NLRP7: variants seen among roughly 807,000 people sequenced by gnomAD.
NLRP7 encodes NACHT, LRR and PYD domains-containing protein 7.
A neutral mutation model predicts 85.5 loss-of-function variants in NLRP7; 72 were observed. That is an observed-to-expected ratio of 0.84 (90% confidence interval 0.70 to 1.02). NLRP7 has a LOEUF of 1.02. Ranked by LOEUF, NLRP7 falls within the 50% of genes least tolerant of loss-of-function variation. NLRP7 has a pLI of 0.00. For synonymous variants in NLRP7, 550 were observed against 505.2 expected (o/e 1.09, Z -1.19); for missense variants, 1,243 against 1,219.5 (o/e 1.02, Z -0.29).
At position 54,934,575 on chromosome 19, in the gene NLRP7, A is replaced by T; in HGVS notation, c.2385T>A (p.Arg795=). The change falls in exon 7 of 10, where the codon CGT becomes CGA. Residue 795 remains arginine, a synonymous_variant. Coordinates refer to ENST00000340844, the Ensembl canonical transcript of NLRP7. This position sits in a 1 kb window ranked among gnomAD's most constrained non-coding sequence, Gnocchi z 6.7. ...CATCCAGGAGCACATTGGCTGAGAG[A>T]CGCAGGTGCTTCAGGGACTGGTTGG... 6.2e-7 allele frequency: 1 copy of T among 1,614,114 alleles called. No homozygotes were observed. Among genetic ancestry groups the T allele is most frequent in the Non-Finnish European group, 8.5e-7 (1 of 1,179,960 alleles).
chr19:54,947,552 G>A (rs199475820), upstream of NLRP7: 8 of 1,289,438 alleles, frequency 6.2e-6, no homozygotes, highest in African/African-American at 3.0e-5. Flanking sequence ...CCCTTGGTAC[G>A]CTAGGTGGAG....
intron 1 of NLRP7, among the ~76,000 whole-genome samples, chr19:54,956,006 C>T (rs181524926): frequency 2.6e-5 from 4 of 151,948 alleles, no homozygotes; most frequent in East Asian, 1.9e-4. Flanking sequence ...CAACTGTGAT[C>T]GTGCATGCCT....
chr19:54,938,563 A>G (rs909039886), intron 4 of NLRP7, among the ~76,000 whole-genome samples: 1 of 152,022 alleles, frequency 6.6e-6, no homozygotes, highest in African/African-American at 2.4e-5. Flanking sequence ...CATCTCTACA[A>G]AAAAATAAAA....
chr19:54,944,941 A>G (rs182951200), intron 1 of NLRP7, among the ~76,000 whole-genome samples: 245 of 152,134 alleles, frequency 1.6e-3, no homozygotes, highest in African/African-American at 5.6e-3. Flanking sequence ...TGTACTTAGA[A>G]AAATTCAGGG....
chr19:54,953,241 CA>C (rs1298308642), intron 1 of NLRP7: 12 of 152,124 alleles, frequency 7.9e-5, no homozygotes, highest in African/African-American at 2.9e-4. Flanking sequence ...TTTATCCGGC[CA>C]GGGGCATCGG....
chr19:54,935,379 T>C (rs1001356724), intron 6 of NLRP7, among the ~76,000 whole-genome samples: 1 of 151,826 alleles, frequency 6.6e-6, no homozygotes, highest in African/African-American at 2.4e-5. Flanking sequence ...AAGGGGCAAA[T>C]TGATGCTTAA....
intron 9 of NLRP7, among the ~76,000 whole-genome samples, chr19:54,926,243 TACAC>T (rs976918807): frequency 2.1e-5 from 3 of 145,682 alleles, no homozygotes; most frequent in African/African-American, 5.1e-5. Context: ...TGCACACACA[TACAC>T]ACAAGCTTCC....
rs1602143882 is a variant in NLRP7, at chr19:54,934,748, T to C, written c.2301-89A>G. On this transcript the variant is annotated intron_variant, in intron 6 of 9. Coordinates refer to ENST00000340844, the Ensembl canonical transcript of NLRP7. This position sits in a 1 kb window ranked among gnomAD's most constrained non-coding sequence, Gnocchi z 6.7. The stretch of plus-strand genomic sequence containing the variant: ...TTTTTGAGACAGAGTTTCACTCTGT[T>C]GCCCAGTCTGGAATGCAAAGGCGTG... The C allele has an allele frequency of 3.6e-6, 4 of 1,112,050 alleles. No individual in the cohort carries two copies. Among genetic ancestry groups the C allele is most frequent in the South Asian group, 3.2e-5 (2 of 63,080 alleles). The allele number at this position is 1,112,050 out of a possible 1,614,324, so 68.9% of individuals were successfully genotyped here.
chr19:54,928,154 A>C (rs1298832309), intron 9 of NLRP7, among the ~76,000 whole-genome samples: 1 of 152,238 alleles, frequency 6.6e-6, no homozygotes, highest in Non-Finnish European at 1.5e-5. Context: ...TGGGAGGCGG[A>C]GGTTACAGTG....
At chr19:54,961,688 T>C (rs2070047709) in intron 1 of NLRP7, among the ~76,000 whole-genome samples, 1 of 148,318 alleles carries the variant, frequency 6.7e-6, no homozygotes, top group African/African-American at 2.5e-5. Context: ...TAGCCTGGCA[T>C]GGTGGCAGGT....
intron 1 of NLRP7, among the ~76,000 whole-genome samples, chr19:54,958,415 G>A (rs1477858794): frequency 6.7e-6 from 1 of 150,224 alleles, no homozygotes; most frequent in Non-Finnish European, 1.5e-5. Context: ...GCCGAGGTGG[G>A]CGAATCACAA....
chr19:54,953,279 T>G (rs1270848096), intron 1 of NLRP7: 1 of 152,068 alleles, frequency 6.6e-6, no homozygotes, highest in Admixed American at 6.6e-5. Flanking sequence ...AGAGCCGAGA[T>G]CCCCAAGTGA....
At chr19:54,957,040 G>C (rs745613755) in intron 1 of NLRP7, among the ~76,000 whole-genome samples, 8 of 150,052 alleles carry the variant, frequency 5.3e-5, no homozygotes, top group Non-Finnish European at 1.0e-4. Context: ...ATTTTATTTT[G>C]AGACAGGGTC....
chr19:54,925,555 G>A (rs969423474), intron 9 of NLRP7, among the ~76,000 whole-genome samples: 18 of 151,984 alleles, frequency 1.2e-4, no homozygotes, highest in Admixed American at 2.0e-4. Flanking sequence ...CCTGCAATCC[G>A]GGTACTTTGT....
chr19:54,923,757 A>G, exon 10 of NLRP7: 3 of 1,613,302 alleles, frequency 1.9e-6, no homozygotes, highest in Non-Finnish European at 2.5e-6. Context: ...AAAAAGTCAC[A>G]GCACGGAGGT....
intron 9 of NLRP7, among the ~76,000 whole-genome samples, chr19:54,926,266 C>T (rs913587065): frequency 6.6e-6 from 1 of 151,656 alleles, no homozygotes; most frequent in South Asian, 2.1e-4. Flanking sequence ...CCAGTCTGTA[C>T]TCCAGGATGA....
At position 54,938,139 on chromosome 19, in the gene NLRP7, CT is replaced by C; in HGVS notation, c.2033del (p.Lys678SerfsTer5). The C allele has an allele frequency of 1.9e-6, 3 of 1,614,030 alleles. No homozygotes were observed. The highest frequency in any genetic ancestry group is 2.5e-6 in the Non-Finnish European group (3 of 1,180,004). ...GGAAGCTTTGTTTCACTTCCAGAAA[CT>C]TGAGGTTGCTGTTTGAGCTGAAGAG... On this transcript the variant is annotated frameshift_variant, in exon 5 of 10. Coordinates refer to ENST00000340844, the Ensembl canonical transcript of NLRP7. LOFTEE classifies it high-confidence loss of function.
intron 7 of NLRP7, among the ~76,000 whole-genome samples, chr19:54,933,974 G>A (rs569019270): frequency 7.2e-5 from 11 of 152,226 alleles, no homozygotes; most frequent in Middle Eastern, 3.4e-3. Context: ...ACGGAGTCTC[G>A]CTCTGTCGCC....
At chr19:54,945,629 C>T (rs995264612) in intron 1 of NLRP7, among the ~76,000 whole-genome samples, 3 of 149,334 alleles carry the variant, frequency 2.0e-5, no homozygotes, top group African/African-American at 7.4e-5. Context: ...GATGGAGTCT[C>T]CCTCTGTTGC....
Sources: allele counts gnomAD v4.1 joint callset (sites outside exome capture counted in the v4.1 genomes callset), GRCh38; gene constraint gnomAD v4.1.1; non-coding constraint Gnocchi (gnomAD v3.1); transcripts MANE v1.5; gene names NCBI Gene and HGNC (gene_info 2026-07-23, HGNC 2026-07-21).